The following LHX4 variants were observed in gnomAD, a reference collection of about 807,000 sequenced individuals.
LHX4 encodes the protein LIM/homeobox protein Lhx4.
LHX4 carries 16 observed loss-of-function variants against 39.2 expected under a neutral mutation model. The ratio of observed to expected loss-of-function variants is 0.41; its 90% CI spans 0.28 to 0.62. The LOEUF is 0.62. Among genes scored for constraint, LHX4 ranks in the 20% least tolerant of loss-of-function variants. The pLI is 0.33. For synonymous variants in LHX4, 206 were observed against 198.1 expected (o/e 1.04, Z -0.33); for missense variants, 439 against 511.9 (o/e 0.86, Z 1.37).
rs1027814740 is a variant in LHX4, at chr1:180,276,073, C to T, written c.*1494C>T. The stretch of plus-strand genomic sequence containing the variant: ...GGAATTTAGCCAGCTGGAATTTATT[C>T]CTGTCCCTCTGGGAAGCTGTGTTTG... On this transcript the variant is annotated 3_prime_UTR_variant, in exon 6 of 6. Coordinates refer to ENST00000263726, the MANE Select transcript of LHX4 (RefSeq NM_033343.4). 9.1e-6 allele frequency: 1 copy of T among 109,534 alleles called. No individual in the cohort carries two copies. The highest frequency in any genetic ancestry group is 1.8e-5 in the Non-Finnish European group (1 of 54,336). 6.8% of individuals were successfully genotyped at this position (109,534 alleles called of 1,614,324 possible).
intron 2 of LHX4, among the ~76,000 whole-genome samples, chr1:180,256,847 G>C (rs1467928542): frequency 6.6e-6 from 1 of 152,230 alleles, no homozygotes; most frequent in Non-Finnish European, 1.5e-5. Context: ...ATGAGGTGCT[G>C]CGGGAAGTAA....
intron 3 of LHX4, among the ~76,000 whole-genome samples, chr1:180,269,422 T>A (rs1265263144): frequency 6.6e-6 from 1 of 152,188 alleles, no homozygotes; most frequent in African/African-American, 2.4e-5. Flanking sequence ...TGTTATGGGA[T>A]ATAAAAAAGA....
upstream of LHX4, among the ~76,000 whole-genome samples, chr1:180,229,337 C>A (rs181889185): frequency 0.017 from 2,632 of 152,274 alleles, 85 homozygotes; most frequent in African/African-American, 0.06. Context: ...GGGGAGGCCC[C>A]GCCGCGGGGA....
At position 180,276,241 on chromosome 1, in the gene LHX4, C is replaced by CAAAG. The variant is rs1199596963; in HGVS notation, c.*1664_*1667dup. 3 of 152,198 alleles carry CAAAG rather than the reference C, an allele frequency of 2.0e-5. No individual in the cohort carries two copies. The highest frequency in any genetic ancestry group is 1.9e-4 in the East Asian group (1 of 5,194). The allele number at this position is 152,198 out of a possible 1,614,324, so 9.4% of individuals were successfully genotyped here. ...ATGGTTGGTCACCTTTTGAGGACTG[C>CAAAG]AAAGACTTAGGCATGTCATAGGCAG... On this transcript the variant is annotated 3_prime_UTR_variant, in exon 6 of 6. Transcript: ENST00000263726.
intron 2 of LHX4, among the ~76,000 whole-genome samples, chr1:180,257,449 G>T (rs1647904513): frequency 6.6e-6 from 1 of 152,204 alleles, no homozygotes; most frequent in African/African-American, 2.4e-5. Context: ...AGCCCCCGAG[G>T]CTCTAAGATT....
At chr1:180,235,879 G>A in intron 1 of LHX4, among the ~76,000 whole-genome samples, 1 of 152,188 alleles carries the variant, frequency 6.6e-6, no homozygotes, top group East Asian at 1.9e-4. Context: ...GTGCAGGATG[G>A]GACCTTATTA....
chr1:180,264,378 AAC>A (rs10561933), intron 2 of LHX4, among the ~76,000 whole-genome samples: 57,042 of 145,200 alleles, frequency 0.39, 11,370 homozygotes, highest in East Asian at 0.72. Flanking sequence ...ACACACACAT[AAC>A]ACACACACAC....
intron 3 of LHX4, among the ~76,000 whole-genome samples, chr1:180,268,707 G>A (rs1648442438): frequency 6.6e-6 from 1 of 152,212 alleles, no homozygotes; most frequent in Non-Finnish European, 1.5e-5. Flanking sequence ...AGGTGTGCTT[G>A]AGGTTTTAAA....
chr1:180,240,464 G>A (rs1041683967), intron 1 of LHX4, among the ~76,000 whole-genome samples: 4 of 152,200 alleles, frequency 2.6e-5, no homozygotes, highest in African/African-American at 9.7e-5. Flanking sequence ...TATTTTAGAA[G>A]TCATTGTCGG....
chr1:180,235,793 C>A (rs1664302267), intron 1 of LHX4, among the ~76,000 whole-genome samples: 1 of 152,162 alleles, frequency 6.6e-6, no homozygotes, highest in Non-Finnish European at 1.5e-5. Flanking sequence ...CGCGGGCCAC[C>A]GGGTGCACTC....
At chr1:180,233,155 T>C (rs909056885) in intron 1 of LHX4, among the ~76,000 whole-genome samples, 38 of 152,224 alleles carry the variant, frequency 2.5e-4, no homozygotes, top group Non-Finnish European at 4.4e-5. Flanking sequence ...TATTTGGGGA[T>C]GGGTGAGGGG....
rs1199890452 is a variant in LHX4 at position 180,278,028 on chromosome 1, TC to T, written c.*3450del. The T allele has an allele frequency of 6.6e-6, 1 of 152,190 alleles. No individual in the cohort carries two copies. The highest frequency in any genetic ancestry group is 1.5e-5 in the Non-Finnish European group (1 of 68,042). The allele number at this position is 152,190 out of a possible 1,614,324, so 9.4% of individuals were successfully genotyped here. A position where few individuals can be genotyped will look rare whatever the true frequency, so the allele number is the denominator to read the frequency against. On this transcript the variant is annotated 3_prime_UTR_variant, in exon 6 of 6. Coordinates refer to ENST00000263726, the MANE Select transcript of LHX4 (RefSeq NM_033343.4). ...CTCAAACTGGTGATTTCCAACTGCCTCTTTACAGGAGGGGGCTCAAGGCTTC... is the reference window on the plus strand; with the variant it reads ...CTCAAACTGGTGATTTCCAACTGCCTTTTACAGGAGGGGGCTCAAGGCTTC...
chr1:180,251,697 G>GC (rs1263778997), intron 2 of LHX4, among the ~76,000 whole-genome samples: 2 of 152,156 alleles, frequency 1.3e-5, no homozygotes, highest in East Asian at 3.9e-4. Context: ...AGTGAGGGAG[G>GC]CCCAGGCTGC....
chr1:180,265,347 C>T (rs1648268299), intron 2 of LHX4, among the ~76,000 whole-genome samples: 2 of 152,224 alleles, frequency 1.3e-5, no homozygotes. Flanking sequence ...CGCCTCCCTC[C>T]TGAAGCGGGG....
intron 1 of LHX4, among the ~76,000 whole-genome samples, chr1:180,242,543 G>A (rs551666661): frequency 1.3e-5 from 2 of 152,068 alleles, no homozygotes; most frequent in African/African-American, 2.4e-5. Context: ...ATGTGAGTGC[G>A]TGTGAGGATG....
At chr1:180,251,087 G>T (rs757442629) in intron 2 of LHX4, among the ~76,000 whole-genome samples, 1 of 152,110 alleles carries the variant, frequency 6.6e-6, no homozygotes, top group Non-Finnish European at 1.5e-5. Context: ...TGAGTCTTCC[G>T]CCAGGTGGGC....
In LHX4 at chr1:180,234,375, G is replaced by A. The variant is rs1664263341; in HGVS notation, c.76+3770G>A. On this transcript the variant is annotated intron_variant, in intron 1 of 5. Transcript: ENST00000263726. The surrounding 1 kb of genome is among the most constrained non-coding windows in gnomAD (Gnocchi z 4.8). Reference sequence around the variant, plus strand: ...CCCCGCCGGCCGATTCGGGCCTGATGGGTTGGGGGTTCCGATGTCCTAACT... The same window carrying A: ...CCCCGCCGGCCGATTCGGGCCTGATAGGTTGGGGGTTCCGATGTCCTAACT... Among the ~76,000 whole-genome samples, 1 of 152,002 alleles carries A rather than the reference G, an allele frequency of 6.6e-6. No individual in the cohort carries two copies. Among genetic ancestry groups the A allele is most frequent in the Admixed American group, 6.5e-5 (1 of 15,268 alleles).
At chr1:180,251,252 C>T (rs998034105) in intron 2 of LHX4, among the ~76,000 whole-genome samples, 10 of 152,326 alleles carry the variant, frequency 6.6e-5, no homozygotes, top group Non-Finnish European at 8.8e-5. Flanking sequence ...AGGTACCTGA[C>T]GCCCACCAAG....
At chr1:180,260,569 G>A (rs1442554095) in intron 2 of LHX4, among the ~76,000 whole-genome samples, 1 of 151,902 alleles carries the variant, frequency 6.6e-6, no homozygotes, top group Non-Finnish European at 1.5e-5. Context: ...GGGGTCCAGA[G>A]TGGCCCATGA....
Sources: allele counts gnomAD v4.1 joint callset (sites outside exome capture counted in the v4.1 genomes callset), GRCh38; gene constraint gnomAD v4.1.1; non-coding constraint Gnocchi (gnomAD v3.1); transcripts MANE v1.5; gene names NCBI Gene and HGNC (gene_info 2026-07-23, HGNC 2026-07-21).